The following POFUT3 variants were observed in gnomAD, a reference collection of about 807,000 sequenced individuals.
POFUT3 encodes the protein protein O-fucosyltransferase 3.
chr8:33,338,400 G>T, the POFUT3 span, among the ~76,000 whole-genome samples: 1 of 151,916 alleles, frequency 6.6e-6, no homozygotes, highest in Non-Finnish European at 1.5e-5. Flanking sequence ...CATTCTATGA[G>T]GCCAGACTTA....
chr8:33,360,306 C>A, the POFUT3 span, among the ~76,000 whole-genome samples: 1 of 151,644 alleles, frequency 6.6e-6, no homozygotes, highest in Non-Finnish European at 1.5e-5. Context: ...ATTAGCCGGG[C>A]GTGGTGGCGG....
chr8:33,404,059 C>T, the POFUT3 span, among the ~76,000 whole-genome samples: 3,405 of 151,992 alleles, frequency 0.022, 48 homozygotes, highest in Middle Eastern at 0.065. Flanking sequence ...GGTTCCAGGC[C>T]GGGCGCGGTA....
the POFUT3 span, among the ~76,000 whole-genome samples, chr8:33,314,856 T>C: frequency 6.6e-6 from 1 of 152,178 alleles, no homozygotes; most frequent in Non-Finnish European, 1.5e-5. Context: ...ACACCGCCTT[T>C]ACAGAGCTGT....
At chr8:33,348,398 GAATTTCAACCAA>G in the POFUT3 span, among the ~76,000 whole-genome samples, 1 of 152,094 alleles carries the variant, frequency 6.6e-6, no homozygotes. Flanking sequence ...CCAGAATGTA[GAATTTCAACCAA>G]AAAAAAAGTC....
At chr8:33,341,083 C>T in the POFUT3 span, among the ~76,000 whole-genome samples, 1 of 151,898 alleles carries the variant, frequency 6.6e-6, no homozygotes, top group Non-Finnish European at 1.5e-5. Context: ...TGGAATCATA[C>T]AAAATGGGTT....
At chr8:33,330,150 T>C in the POFUT3 span, among the ~76,000 whole-genome samples, 1 of 152,084 alleles carries the variant, frequency 6.6e-6, no homozygotes, top group South Asian at 2.1e-4. Context: ...AAGATAAATA[T>C]AAAAAGATTT....
At chr8:33,467,113 A>C in the POFUT3 span, among the ~76,000 whole-genome samples, 1 of 151,112 alleles carries the variant, frequency 6.6e-6, no homozygotes, top group South Asian at 2.1e-4. Flanking sequence ...CTCAAAAAAA[A>C]CACACAAAAA....
At chr8:33,427,305 T>C in the POFUT3 span, among the ~76,000 whole-genome samples, 1 of 152,024 alleles carries the variant, frequency 6.6e-6, no homozygotes, top group Non-Finnish European at 1.5e-5. Context: ...GGGCCAGGCG[T>C]GGTGGCTCAC....
the POFUT3 span, among the ~76,000 whole-genome samples, chr8:33,463,449 G>A: frequency 2.0e-5 from 3 of 151,776 alleles, no homozygotes; most frequent in Non-Finnish European, 4.4e-5. Context: ...AGGTTGCAGT[G>A]AGCCGAGATT....
chr8:33,330,217 G>A, the POFUT3 span, among the ~76,000 whole-genome samples: 6 of 152,028 alleles, frequency 3.9e-5, no homozygotes, highest in Admixed American at 6.6e-5. Context: ...AGGCTGAGGC[G>A]GGCAGATCAC....
the POFUT3 span, among the ~76,000 whole-genome samples, chr8:33,432,747 G>T: frequency 6.6e-6 from 1 of 152,098 alleles, no homozygotes; most frequent in Non-Finnish European, 1.5e-5. Context: ...ATTAAAATGT[G>T]CAACCAAATA....
At chr8:33,312,672 G>A in the POFUT3 span, among the ~76,000 whole-genome samples, 3 of 152,046 alleles carry the variant, frequency 2.0e-5, no homozygotes, top group African/African-American at 7.2e-5. Flanking sequence ...TTTCAGAACT[G>A]AAAACTTTCA....
chr8:33,436,658 G>A, the POFUT3 span: 1 of 858,584 alleles, frequency 1.2e-6, no homozygotes, highest in Non-Finnish European at 2.0e-6. Flanking sequence ...ATCTCCCGCT[G>A]TGTAGCCTCC....
chr8:33,460,160 G>C, the POFUT3 span, among the ~76,000 whole-genome samples: 1 of 150,906 alleles, frequency 6.6e-6, no homozygotes, highest in Admixed American at 6.6e-5. Flanking sequence ...CTGCACTCCA[G>C]CCTGGGCAAC....
At chr8:33,374,752 G>C in the POFUT3 span, among the ~76,000 whole-genome samples, 1 of 152,072 alleles carries the variant, frequency 6.6e-6, no homozygotes, top group Admixed American at 6.5e-5. Flanking sequence ...TTTAGTAAAA[G>C]ACAATGGCAA....
the POFUT3 span, among the ~76,000 whole-genome samples, chr8:33,311,246 C>G: frequency 6.6e-6 from 1 of 152,266 alleles, no homozygotes; most frequent in South Asian, 2.1e-4. Flanking sequence ...AATTTTTCTC[C>G]ATGTTCTTTT....
At chr8:33,363,865 T>C in the POFUT3 span, among the ~76,000 whole-genome samples, 1 of 152,322 alleles carries the variant, frequency 6.6e-6, no homozygotes, top group Admixed American at 6.5e-5. Flanking sequence ...GTACCATTCC[T>C]TCTGAAACTA....
At chr8:33,391,187 AATAAAG>A in the POFUT3 span, among the ~76,000 whole-genome samples, 23 of 152,246 alleles carry the variant, frequency 1.5e-4, no homozygotes, top group Non-Finnish European at 2.9e-4. Context: ...CACTCCCACA[AATAAAG>A]ATAAACTCTT....
chr8:33,319,360 T>A, the POFUT3 span, among the ~76,000 whole-genome samples: 2 of 26,448 alleles, frequency 7.6e-5, no homozygotes, highest in African/African-American at 2.3e-4. Context: ...TATATATATT[T>A]TATATATATG....
Sources: allele counts gnomAD v4.1 joint callset (sites outside exome capture counted in the v4.1 genomes callset), GRCh38; gene constraint gnomAD v4.1.1; transcripts MANE v1.5; gene names NCBI Gene and HGNC (gene_info 2026-07-23, HGNC 2026-07-21).